The following FOXP2 variants were observed in gnomAD, a reference collection of about 807,000 sequenced individuals.
The protein encoded by FOXP2 is forkhead box P2, also known as forkhead box protein P2.
FOXP2 carries 12 observed loss-of-function variants against 115.8 expected under a neutral mutation model. That is an observed-to-expected ratio of 0.10 (90% CI 0.07 to 0.17). The LOEUF (loss-of-function observed/expected upper bound fraction) is 0.17, where lower values mean the gene tolerates loss of function less well. Ranked by LOEUF, FOXP2 falls within the 10% of genes least tolerant of loss-of-function variation. The pLI is 1.00. For synonymous variants in FOXP2, 328 were observed against 297.7 expected, an observed-to-expected ratio of 1.10 and a Z score of -1.05; for missense variants, 629 against 843.5, an observed-to-expected ratio of 0.75 and a Z score of 3.15.
At chr7:114,511,995 CATACT>C (rs766887343) in intron 2 of FOXP2, among the ~76,000 whole-genome samples, 4 of 151,982 alleles carry the variant, frequency 2.6e-5, no homozygotes, top group Non-Finnish European at 5.9e-5. Flanking sequence ...TTTAAATAAT[CATACT>C]ATATGTCATT....
At chr7:114,624,897 T>A (rs1804462798) in intron 3 of FOXP2, among the ~76,000 whole-genome samples, 2 of 151,522 alleles carry the variant, frequency 1.3e-5, no homozygotes, top group Non-Finnish European at 3.0e-5. Context: ...GTAATACACT[T>A]ACCTATTCTA....
chr7:114,206,373 C>T (rs1210771695), intron 1 of FOXP2, among the ~76,000 whole-genome samples: 2 of 152,120 alleles, frequency 1.3e-5, no homozygotes, highest in African/African-American at 2.4e-5. Flanking sequence ...ACCTGTTGAC[C>T]TCCTGTCAGT....
At chr7:114,405,296 G>A (rs1240343467) in intron 2 of FOXP2, among the ~76,000 whole-genome samples, 4 of 151,812 alleles carry the variant, frequency 2.6e-5, no homozygotes, top group Non-Finnish European at 5.9e-5. Context: ...AATTCATTCA[G>A]AAGTGAAAAT....
intron 1 of FOXP2, among the ~76,000 whole-genome samples, chr7:114,092,589 T>C (rs916808681): frequency 3.3e-5 from 5 of 152,110 alleles, no homozygotes; most frequent in African/African-American, 1.2e-4. Context: ...TAGACATATT[T>C]TGGAGAAAGC....
chr7:114,677,231 A>T (rs772139649), intron 16 of FOXP2, among the ~76,000 whole-genome samples: 5 of 152,010 alleles, frequency 3.3e-5, no homozygotes, highest in Non-Finnish European at 7.4e-5. Context: ...TGTTAACTTC[A>T]TGGAATTAAT....
At position 114,348,598 on chromosome 7, in the gene FOXP2, G is replaced by A. The variant is rs375710012; in HGVS notation, c.-11+60489G>A. Among the ~76,000 whole-genome samples the A allele has an allele frequency of 4.6e-5, 7 of 151,806 alleles. No homozygotes were observed. In the South Asian group the frequency reaches 6.2e-4, roughly 14 times the overall value. ...TCTGGTTCTTCTGGAAAGAACACTC[G>A]TCTTATAGAAAGAACACTGTCCAGG... On this transcript the variant is annotated intron_variant, in intron 2 of 17. Coordinates refer to the FOXP2 transcript ENST00000634411.
intron 3 of FOXP2, among the ~76,000 whole-genome samples, chr7:114,558,830 C>T (rs534610721): frequency 2.0e-4 from 30 of 152,238 alleles, no homozygotes; most frequent in South Asian, 1.2e-3. Flanking sequence ...CTTCCTGATT[C>T]GTCTGTGCAT....
chr7:114,294,932 A>G (rs1248777602), intron 2 of FOXP2, among the ~76,000 whole-genome samples: 2 of 152,130 alleles, frequency 1.3e-5, no homozygotes, highest in Non-Finnish European at 2.9e-5. Context: ...ACATACATAC[A>G]TACATAAATT....
At chr7:114,184,305 C>T (rs543205752) in intron 1 of FOXP2, among the ~76,000 whole-genome samples, 3 of 152,230 alleles carry the variant, frequency 2.0e-5, no homozygotes, top group Admixed American at 1.3e-4. Context: ...GACTCGTTAA[C>T]GTAGTTTACT....
At chr7:114,423,939 A>G (rs1449929235) in intron 1 of FOXP2, among the ~76,000 whole-genome samples, 1 of 151,454 alleles carries the variant, frequency 6.6e-6, no homozygotes, top group Non-Finnish European at 1.5e-5. Flanking sequence ...GTTGTATCAG[A>G]TACTCCTCTT....
chr7:114,095,375 T>C (rs556648653), intron 1 of FOXP2, among the ~76,000 whole-genome samples: 123 of 152,040 alleles, frequency 8.1e-4, no homozygotes, highest in African/African-American at 2.7e-3. Flanking sequence ...TTTCCTAAAA[T>C]AAAAACTATT....
At chr7:114,552,967 C>T (rs751449619) in intron 3 of FOXP2, among the ~76,000 whole-genome samples, 18 of 152,018 alleles carry the variant, frequency 1.2e-4, no homozygotes, top group Non-Finnish European at 2.1e-4. Context: ...GATTGCAATA[C>T]ATTTATCTAA....
At chr7:114,199,406 T>C (rs1794000842) in intron 1 of FOXP2, among the ~76,000 whole-genome samples, 1 of 152,004 alleles carries the variant, frequency 6.6e-6, no homozygotes, top group Non-Finnish European at 1.5e-5. Flanking sequence ...TATAAATGAA[T>C]AAATTGATAA....
intron 2 of FOXP2, among the ~76,000 whole-genome samples, chr7:114,364,142 T>A (rs1314220209): frequency 6.6e-6 from 1 of 152,176 alleles, no homozygotes; most frequent in African/African-American, 2.4e-5. Context: ...TTGAATTTCA[T>A]GAAATTTGTT....
chr7:114,652,337 GT>G, intron 9 of FOXP2, 47 bp downstream of exon 9: 1 of 1,540,328 alleles, frequency 6.5e-7, no homozygotes, highest in African/African-American at 1.4e-5. Context: ...TTTCTGGTGT[GT>G]TACATTGAGT....
At chr7:114,472,753 G>C (rs2129231501) in intron 2 of FOXP2, among the ~76,000 whole-genome samples, 1 of 152,180 alleles carries the variant, frequency 6.6e-6, no homozygotes, top group Non-Finnish European at 1.5e-5. Context: ...TTCAGATAAG[G>C]TTTTCCTTTT....
chr7:114,092,025 CA>C (rs1365146514), intron 1 of FOXP2, among the ~76,000 whole-genome samples: 3 of 151,936 alleles, frequency 2.0e-5, no homozygotes, highest in African/African-American at 7.2e-5. Flanking sequence ...ACTGATTCTT[CA>C]TTTTTTTTCT....
In FOXP2 at chr7:114,379,762, C is replaced by T. The variant is rs369395966; in HGVS notation, c.-10-46740C>T. Among the ~76,000 whole-genome samples, 111 of 152,246 alleles carry T rather than the reference C, an allele frequency of 7.3e-4. 1 individual carries two copies. Among genetic ancestry groups the T allele is most frequent in the African/African-American group, 2.5e-3 (103 of 41,540 alleles). The stretch of plus-strand genomic sequence containing the variant: ...TTATTTCTTTGGCACACCTCACAGG[C>T]CCTGACTATCTGCTTGATAGTTTTG... On this transcript the variant is annotated intron_variant, in intron 2 of 17. Coordinates refer to the FOXP2 transcript ENST00000634411.
At chr7:114,230,737 T>C (rs1199149520) in intron 1 of FOXP2, among the ~76,000 whole-genome samples, 1 of 151,846 alleles carries the variant, frequency 6.6e-6, no homozygotes, top group African/African-American at 2.4e-5. Context: ...TAAGAAAGGA[T>C]TTACATGACT....
Sources: gnomAD v4.1 joint callset for allele counts (sites outside exome capture counted in the v4.1 genomes callset) on GRCh38, gnomAD v4.1.1 for gene constraint, MANE v1.5 for transcripts, NCBI Gene and HGNC (gene_info 2026-07-23, HGNC 2026-07-21) for gene names.